ARFGEF1: variants seen among roughly 807,000 people sequenced by gnomAD.
ARFGEF1 encodes brefeldin A-inhibited guanine nucleotide-exchange protein 1.
A neutral mutation model predicts 231.0 loss-of-function variants in ARFGEF1; 42 were observed. The ratio of observed to expected loss-of-function variants is 0.18; its 90% CI spans 0.14 to 0.24. ARFGEF1 has a LOEUF of 0.24. ARFGEF1 is among the 10% of genes least tolerant of loss of function. ARFGEF1 has a pLI of 1.00. For missense variants in ARFGEF1, 1,345 were observed against 2,192.0 expected (o/e 0.61, Z 7.72); for synonymous variants, 710 against 732.3 (o/e 0.97, Z 0.49).
In ARFGEF1 at chr8:67,240,177, G is replaced by A. The variant is rs760324798; in HGVS notation, c.2964C>T (p.Cys988=). The change falls in exon 20 of 39, where the codon TGC becomes TGT. Residue 988 remains cysteine, a synonymous_variant. Transcript: ENST00000262215. Reference sequence around the variant, plus strand: ...TCTCTGTTACCTGAATGCTGAAAATGCATGCAATTCTGATTGCACATCTTA... The same window carrying A: ...TCTCTGTTACCTGAATGCTGAAAATACATGCAATTCTGATTGCACATCTTA... ...EGIRCAIRIA[C]IFSIQLERDA... 34 of 1,608,570 alleles carry A rather than the reference G, an allele frequency of 2.1e-5. No individual in the cohort carries two copies. In the African/African-American group the frequency reaches 4.0e-4, roughly 19 times the overall value.
chr8:67,195,411 G>A, downstream of ARFGEF1: 5 of 1,614,082 alleles, frequency 3.1e-6, no homozygotes, highest in Non-Finnish European at 4.2e-6. Context: ...TGACCCTGAT[G>A]ACATCATGAA....
chr8:67,254,670 A>G (rs762808067), intron 17 of ARFGEF1, among the ~76,000 whole-genome samples: 22 of 152,180 alleles, frequency 1.4e-4, no homozygotes, highest in Non-Finnish European at 2.9e-4. Flanking sequence ...AAACAAAAAC[A>G]AAAGTACAGA....
At chr8:67,319,669 A>G (rs899939977) in intron 1 of ARFGEF1, among the ~76,000 whole-genome samples, 1 of 152,202 alleles carries the variant, frequency 6.6e-6, no homozygotes, top group African/African-American at 2.4e-5. Flanking sequence ...TAAAATACCA[A>G]AAGCATGTGA....
At chr8:67,335,922 T>G (rs1808327643) in intron 1 of ARFGEF1, among the ~76,000 whole-genome samples, 1 of 152,040 alleles carries the variant, frequency 6.6e-6, no homozygotes, top group Admixed American at 6.6e-5. Context: ...GCTAACTTTT[T>G]GTATTTTTAG....
intron 1 of ARFGEF1, among the ~76,000 whole-genome samples, chr8:67,322,626 G>T (rs1409417775): frequency 6.6e-6 from 1 of 152,114 alleles, no homozygotes; most frequent in Non-Finnish European, 1.5e-5. Context: ...AATCACTTCA[G>T]CCCAGGAGTT....
chr8:67,221,650 C>G (rs934621176), intron 29 of ARFGEF1, among the ~76,000 whole-genome samples: 2 of 151,972 alleles, frequency 1.3e-5, no homozygotes, highest in Non-Finnish European at 2.9e-5. Flanking sequence ...TAATTTTTTA[C>G]TGCAGAAAAA....
chr8:67,278,674 C>T (rs148047458), intron 7 of ARFGEF1, among the ~76,000 whole-genome samples: 2,303 of 152,056 alleles, frequency 0.015, 63 homozygotes, highest in African/African-American at 0.053. Context: ...GGTGAAACCT[C>T]GTCTCTACTA....
chr8:67,241,217 AC>A (rs1166969556), intron 19 of ARFGEF1, among the ~76,000 whole-genome samples: 8 of 152,200 alleles, frequency 5.3e-5, no homozygotes, highest in Non-Finnish European at 1.0e-4. Flanking sequence ...AACAAAAAAA[AC>A]ATAAGTCATA....
chr8:67,222,178 TACACATATA>T (rs1839193673), intron 29 of ARFGEF1, among the ~76,000 whole-genome samples: 1 of 112,460 alleles, frequency 8.9e-6, no homozygotes, highest in Non-Finnish European at 1.8e-5. Context: ...TATATATATA[TACACATATA>T]TATATATATA....
chr8:67,201,229 T>C (rs985464117), intron 37 of ARFGEF1, among the ~76,000 whole-genome samples: 3 of 152,326 alleles, frequency 2.0e-5, no homozygotes, highest in East Asian at 1.9e-4. Flanking sequence ...AATGATATCA[T>C]AGTTCACAGT....
intron 18 of ARFGEF1, among the ~76,000 whole-genome samples, chr8:67,251,915 T>G (rs972455868): frequency 2.6e-5 from 4 of 151,912 alleles, no homozygotes; most frequent in African/African-American, 9.7e-5. Context: ...ACTTTCAGAA[T>G]ACAATTATCA....
Position 67,198,055 on chromosome 8 carries a change from T to C in ARFGEF1, c.*879A>G. 2 of 985,900 alleles carry C rather than the reference T, an allele frequency of 2.0e-6. No homozygotes were observed. Among genetic ancestry groups the C allele is most frequent in the Non-Finnish European group, 2.4e-6 (2 of 829,944 alleles). 61.1% of individuals were successfully genotyped at this position (985,900 alleles called of 1,614,324 possible). Reference sequence around the variant, plus strand: ...GATTCATTTTGCAGTGATTCAAGTTTTGGTCCATAAAGGATCATTCTATTT... The same window carrying C: ...GATTCATTTTGCAGTGATTCAAGTTCTGGTCCATAAAGGATCATTCTATTT... On this transcript the variant is annotated 3_prime_UTR_variant, in exon 39 of 39. Coordinates refer to ENST00000262215, the MANE Select transcript of ARFGEF1 (RefSeq NM_006421.5).
At chr8:67,329,127 G>A (rs1807976792) in intron 1 of ARFGEF1, among the ~76,000 whole-genome samples, 1 of 152,196 alleles carries the variant, frequency 6.6e-6, no homozygotes. Flanking sequence ...CTGGGAGGCT[G>A]AGGCAGGAGA....
At chr8:67,182,130 G>A (rs996501605) in intron 5 of ARFGEF1, among the ~76,000 whole-genome samples, 1 of 152,056 alleles carries the variant, frequency 6.6e-6, no homozygotes, top group Non-Finnish European at 1.5e-5. Flanking sequence ...AGCCTCCCAA[G>A]TAGCTGAGAC....
chr8:67,259,166 A>G (rs1840561487), intron 15 of ARFGEF1, among the ~76,000 whole-genome samples: 1 of 152,230 alleles, frequency 6.6e-6, no homozygotes, highest in African/African-American at 2.4e-5. Context: ...TGTAGAATCC[A>G]TGGATACAGA....
intron 22 of ARFGEF1, among the ~76,000 whole-genome samples, chr8:67,236,349 TA>T (rs1554638965): frequency 0.02 from 283 of 13,928 alleles, 8 homozygotes; most frequent in Non-Finnish European, 0.025. Context: ...AGATATTAGT[TA>T]AAAAAAAAAA....
At chr8:67,266,297 T>C (rs1804848250) in intron 13 of ARFGEF1, 90 bp from the exon 14 acceptor site, 1 of 956,578 alleles carries the variant, frequency 1.0e-6, no homozygotes, top group South Asian at 1.6e-5. Flanking sequence ...AGGCAAGGCG[T>C]TTCAATGTTG....
chr8:67,217,721 G>A, intron 32 of ARFGEF1, 61 bp downstream of exon 32: 1 of 1,537,594 alleles, frequency 6.5e-7, no homozygotes, highest in Non-Finnish European at 8.9e-7. Flanking sequence ...TTAATCACTA[G>A]TCACTCTCCA....
intron 9 of ARFGEF1, among the ~76,000 whole-genome samples, chr8:67,274,860 T>G (rs1367086985): frequency 6.6e-6 from 1 of 152,134 alleles, no homozygotes; most frequent in Non-Finnish European, 1.5e-5. Context: ...GATTTTTGAA[T>G]GAGACTTTTT....
Sources: gnomAD v4.1 joint callset for allele counts (sites outside exome capture counted in the v4.1 genomes callset) on GRCh38, gnomAD v4.1.1 for gene constraint, MANE v1.5 for transcripts, NCBI Gene and HGNC (gene_info 2026-07-23, HGNC 2026-07-21) for gene names.